The following TNNI3K variants were observed in gnomAD, a reference collection of about 807,000 sequenced individuals.
TNNI3K encodes serine/threonine-protein kinase TNNI3K.
A neutral mutation model predicts 114.5 loss-of-function variants in TNNI3K; 140 were observed. The observed-to-expected ratio is 1.22, with a 90% CI of 1.07 to 1.41. The LOEUF (loss-of-function observed/expected upper bound fraction) is 1.41. Ranked by LOEUF, TNNI3K falls within the 40% of genes most tolerant of loss-of-function variation. The pLI is 0.00. For synonymous variants in TNNI3K, 347 were observed against 347.5 expected, an observed-to-expected ratio of 1.00 and a Z score of 0.02; for missense variants, 1,125 against 1,007.6, an observed-to-expected ratio of 1.12 and a Z score of -1.58.
intron 9 of TNNI3K, among the ~76,000 whole-genome samples, chr1:74,352,296 C>T (rs1458488320): frequency 9.9e-5 from 15 of 152,234 alleles, no homozygotes; most frequent in African/African-American, 1.4e-4. Flanking sequence ...ATTGGTGAAC[C>T]GCAAATGCTG....
intron 5 of TNNI3K, among the ~76,000 whole-genome samples, chr1:74,318,960 T>C (rs1448980691): frequency 2.0e-5 from 3 of 152,214 alleles, no homozygotes; most frequent in Non-Finnish European, 4.4e-5. Context: ...GGCACAATAG[T>C]ATATTAAACT....
intron 20 of TNNI3K, among the ~76,000 whole-genome samples, chr1:74,443,832 C>T (rs1055548861): frequency 1.3e-5 from 2 of 152,148 alleles, no homozygotes; most frequent in Non-Finnish European, 2.9e-5. Context: ...GGCTTCATCC[C>T]CACGATGTAA....
Position 74,377,974 on chromosome 1 carries a change from G to A in TNNI3K, c.1772+7582G>A, listed in dbSNP as rs146013252. Among the ~76,000 whole-genome samples the A allele has an allele frequency of 1.5e-3, 230 of 152,090 alleles. 2 individuals are homozygous for A. The East Asian group carries it at 0.028, about 18-fold the overall frequency. ...AACAGACACATTTCCATATGTTTTC[G>A]TAATGCTTCCAGCCTTTTAAAACTA... is the stretch of plus-strand genomic sequence containing the variant. On this transcript the variant is annotated intron_variant, in intron 17 of 24. Coordinates refer to ENST00000326637, the MANE Select transcript of TNNI3K (RefSeq NM_015978.3).
At chr1:74,392,736 C>T (rs779783791) in intron 17 of TNNI3K, among the ~76,000 whole-genome samples, 4 of 152,144 alleles carry the variant, frequency 2.6e-5, no homozygotes, top group Non-Finnish European at 5.9e-5. Flanking sequence ...GGTATTGTGA[C>T]CGAGTACCTC....
At chr1:74,488,657 G>T (rs140717152) in intron 21 of TNNI3K, among the ~76,000 whole-genome samples, 15 of 151,976 alleles carry the variant, frequency 9.9e-5, no homozygotes, top group Admixed American at 3.9e-4. Context: ...GTTCATAATG[G>T]GCAATATTTT....
intron 22 of TNNI3K, among the ~76,000 whole-genome samples, chr1:74,491,436 G>C (rs993036184): frequency 2.0e-5 from 3 of 152,080 alleles, no homozygotes; most frequent in Non-Finnish European, 4.4e-5. Context: ...ACCAGATGGT[G>C]TCGATCTGTT....
At chr1:74,401,700 G>C in intron 17 of TNNI3K, 1 of 357,522 alleles carries the variant, frequency 2.8e-6, no homozygotes, top group Non-Finnish European at 5.5e-6. Flanking sequence ...GCTTAACACA[G>C]AGAAAATAAC....
rs572701689 is a variant in TNNI3K, at chr1:74,355,442, A to G, written c.1177+1313A>G. 1.0e-3 allele frequency among the ~76,000 whole-genome samples: 155 copies of G among 152,142 alleles called. 1 individual carries two copies. Among genetic ancestry groups the G allele is most frequent in the African/African-American group, 3.6e-3 (149 of 41,500 alleles). ...AACATGGTGAAACCCTGTCTCTACT[A>G]AAAATACAAAAAGTAGCTGGGTGTG... is the stretch of plus-strand genomic sequence containing the variant. On this transcript the variant is annotated intron_variant, in intron 11 of 24. Transcript: ENST00000326637.
At chr1:74,427,567 A>G (rs999660736) in intron 17 of TNNI3K, among the ~76,000 whole-genome samples, 1 of 152,050 alleles carries the variant, frequency 6.6e-6, no homozygotes, top group Admixed American at 6.6e-5. Context: ...ATGAAGAAAA[A>G]TTGCCAATTT....
intron 5 of TNNI3K, among the ~76,000 whole-genome samples, chr1:74,293,367 A>C (rs1388762084): frequency 6.6e-6 from 1 of 151,694 alleles, no homozygotes; most frequent in East Asian, 1.9e-4. Flanking sequence ...GAAGCTTTAC[A>C]ATGAGTTTTG....
chr1:74,351,423 G>T (rs1018933287), intron 9 of TNNI3K, among the ~76,000 whole-genome samples: 3 of 151,526 alleles, frequency 2.0e-5, no homozygotes, highest in Admixed American at 6.6e-5. Flanking sequence ...TTCAACTTTG[G>T]TGAATCTGAC....
chr1:74,541,080 A>G (rs1159043834), intron 24 of TNNI3K, among the ~76,000 whole-genome samples: 1 of 152,128 alleles, frequency 6.6e-6, no homozygotes, highest in African/African-American at 2.4e-5. Flanking sequence ...TATCCATTGC[A>G]ACTTCCTTTG....
chr1:74,339,201 A>G (rs879472825), intron 7 of TNNI3K, among the ~76,000 whole-genome samples: 4 of 152,172 alleles, frequency 2.6e-5, no homozygotes, highest in Admixed American at 6.6e-5. Context: ...CCAGCATCAT[A>G]TGATACAATT....
intron 4 of TNNI3K, among the ~76,000 whole-genome samples, chr1:74,262,059 CT>C (rs200528370): frequency 7.3e-5 from 11 of 151,454 alleles, no homozygotes; most frequent in South Asian, 6.3e-4. Context: ...TTTATCCTGA[CT>C]TTTTTTTTCC....
intron 17 of TNNI3K, chr1:74,374,467 C>G (rs773597925): frequency 3.3e-5 from 5 of 151,838 alleles, no homozygotes; most frequent in Non-Finnish European, 7.4e-5. Flanking sequence ...GTAACAACAA[C>G]AACAGCAAAA....
At chr1:74,340,155 T>TG (rs1189707512) in intron 7 of TNNI3K, among the ~76,000 whole-genome samples, 1 of 152,068 alleles carries the variant, frequency 6.6e-6, no homozygotes, top group Non-Finnish European at 1.5e-5. Flanking sequence ...TTTTATTTTA[T>TG]TTTTAGGGTC....
chr1:74,239,139 G>A (rs1654035071), intron 2 of TNNI3K, among the ~76,000 whole-genome samples: 1 of 152,048 alleles, frequency 6.6e-6, no homozygotes, highest in Non-Finnish European at 1.5e-5. Flanking sequence ...GGTCTAAAGA[G>A]AGTCAAGAGA....
intron 4 of TNNI3K, among the ~76,000 whole-genome samples, chr1:74,252,193 C>T (rs141919426): frequency 6.6e-6 from 1 of 152,282 alleles, no homozygotes; most frequent in East Asian, 1.9e-4. Flanking sequence ...TTTAGTCCTA[C>T]AATATTTAGA....
chr1:74,335,344 C>G (rs1660410129), intron 6 of TNNI3K, among the ~76,000 whole-genome samples: 2 of 152,172 alleles, frequency 1.3e-5, no homozygotes, highest in African/African-American at 4.8e-5. Context: ...GATATTACCC[C>G]TCACGTTAAC....
Sources: allele counts gnomAD v4.1 joint callset (sites outside exome capture counted in the v4.1 genomes callset), GRCh38; gene constraint gnomAD v4.1.1; transcripts MANE v1.5; gene names NCBI Gene and HGNC (gene_info 2026-07-23, HGNC 2026-07-21).